Variants in ABCA10 observed in about 807,000 individuals in gnomAD.
The protein encoded by ABCA10 is ATP binding cassette subfamily A member 10.
Under a neutral mutation model 187.5 loss-of-function variants are expected in ABCA10, and 169 were observed. That is an observed-to-expected ratio of 0.90 (90% CI 0.80 to 1.02). The LOEUF (loss-of-function observed/expected upper bound fraction) is 1.02. Ranked by LOEUF, ABCA10 falls within the 50% of genes least tolerant of loss-of-function variation. ABCA10 has a pLI of 0.00. For missense variants in ABCA10, 1,727 were observed against 1,812.4 expected (o/e 0.95, Z 0.86); for synonymous variants, 574 against 601.8 (o/e 0.95, Z 0.68).
intron 37 of ABCA10, among the ~76,000 whole-genome samples, chr17:69,149,759 A>T (rs1201600724): frequency 6.6e-6 from 1 of 152,106 alleles, no homozygotes; most frequent in Admixed American, 6.6e-5. Flanking sequence ...AACCTGACTG[A>T]CTTGTGGCTG....
At chr17:69,165,284 C>A (rs781091614) in intron 25 of ABCA10, among the ~76,000 whole-genome samples, 4 of 152,064 alleles carry the variant, frequency 2.6e-5, no homozygotes, top group Non-Finnish European at 4.4e-5. Context: ...TAAGGTCTGT[C>A]ATAAATACCT....
intron 6 of ABCA10, among the ~76,000 whole-genome samples, chr17:69,217,023 G>A (rs2074711377): frequency 6.6e-6 from 1 of 152,112 alleles, no homozygotes; most frequent in Non-Finnish European, 1.5e-5. Context: ...GAGGCAGGTG[G>A]ATTGCCTGAG....
intron 1 of ABCA10, among the ~76,000 whole-genome samples, chr17:69,242,011 G>T (rs1598136806): frequency 1.3e-5 from 2 of 152,144 alleles, no homozygotes; most frequent in East Asian, 3.8e-4. Context: ...ACTTACTAAA[G>T]AATTAGAAGA....
In ABCA10 at chr17:69,217,033, G is replaced by A. The variant is rs981538249; in HGVS notation, c.531-675C>T. On this transcript the variant is annotated intron_variant, in intron 6 of 38. Coordinates refer to ENST00000690296, the MANE Select transcript of ABCA10 (RefSeq NM_001377321.1). ...AGGTTGAGGCAGGTGGATTGCCTGA[G>A]TCAGGAGTTCGAGAACAGCCTGGCC... 1.2e-4 allele frequency among the ~76,000 whole-genome samples: 18 copies of A among 152,214 alleles called. No homozygotes were observed. In the East Asian group the frequency reaches 3.5e-3, roughly 29 times the overall value.
chr17:69,176,437 C>A (rs1295637052), intron 22 of ABCA10, among the ~76,000 whole-genome samples: 1 of 151,502 alleles, frequency 6.6e-6, no homozygotes, highest in Non-Finnish European at 1.5e-5. Context: ...AAAAGGAGTG[C>A]AGAAAAGGTA....
At chr17:69,239,019 C>T (rs924390208) in intron 1 of ABCA10, among the ~76,000 whole-genome samples, 13 of 152,204 alleles carry the variant, frequency 8.5e-5, no homozygotes, top group African/African-American at 2.9e-4. Flanking sequence ...TCAAAGATAA[C>T]ATGGCCTAAA....
chr17:69,175,216 G>A (rs988744976), intron 23 of ABCA10, among the ~76,000 whole-genome samples, 190 bp downstream of exon 23: 1 of 152,048 alleles, frequency 6.6e-6, no homozygotes, highest in Non-Finnish European at 1.5e-5. Context: ...CAATTTTATT[G>A]TGCTAAATGG....
At chr17:69,219,447 T>A in intron 6 of ABCA10, 98 bp downstream of exon 6, 2 of 811,652 alleles carry the variant, frequency 2.5e-6, no homozygotes, top group Non-Finnish European at 3.8e-6. Flanking sequence ...ATTGAATACG[T>A]GCAAGAAAAC....
At chr17:69,162,463 C>G (rs927455399) in intron 27 of ABCA10, among the ~76,000 whole-genome samples, 1 of 152,080 alleles carries the variant, frequency 6.6e-6, no homozygotes, top group Non-Finnish European at 1.5e-5. Context: ...GAAAGTTAGA[C>G]AAACATCCAG....
chr17:69,200,428 T>C (rs1447061417), intron 10 of ABCA10, among the ~76,000 whole-genome samples: 1 of 152,190 alleles, frequency 6.6e-6, no homozygotes, highest in African/African-American at 2.4e-5. Flanking sequence ...AAAATATACT[T>C]TTAAAAAGAT....
rs554783311 is a variant in ABCA10 at position 69,189,958 on chromosome 17, T to G, written c.2131+400A>C. Among the ~76,000 whole-genome samples the G allele has an allele frequency of 2.8e-5, 4 of 142,098 alleles. No individual in the cohort carries two copies. The East Asian group carries it at 7.7e-4, about 27-fold the overall frequency. The allele number at this position is 142,098 out of a possible 152,430, so 93.2% of individuals were successfully genotyped here. A position where few individuals can be genotyped will look rare whatever the true frequency, so the allele number is the denominator to read the frequency against. On this transcript the variant is annotated intron_variant, in intron 18 of 38. Transcript: ENST00000690296. Reference sequence around the variant, plus strand: ...AATAACATCTTATTTTATTACTTCTTATTAATACATTAATTAGAATTAGTT... The same window carrying G: ...AATAACATCTTATTTTATTACTTCTGATTAATACATTAATTAGAATTAGTT...
At chr17:69,182,650 A>C (rs1195551646) in intron 21 of ABCA10, 25 bp downstream of exon 21, 2 of 1,547,172 alleles carry the variant, frequency 1.3e-6, no homozygotes, top group East Asian at 2.3e-5. Context: ...AACCAAAAAA[A>C]AACAGTGCAT....
chr17:69,218,213 A>G (rs2074720973), intron 6 of ABCA10, among the ~76,000 whole-genome samples: 1 of 152,166 alleles, frequency 6.6e-6, no homozygotes, highest in Admixed American at 6.5e-5. Flanking sequence ...AAAGCTAATA[A>G]TATGGTATGC....
intron 27 of ABCA10, among the ~76,000 whole-genome samples, chr17:69,161,423 A>C (rs542885896): frequency 1.3e-5 from 2 of 152,330 alleles, no homozygotes; most frequent in South Asian, 2.1e-4. Flanking sequence ...CAATTTGAAA[A>C]GCTGAAAAAA....
intron 27 of ABCA10, 21 bp downstream of exon 27, chr17:69,164,053 T>C: frequency 2.0e-6 from 3 of 1,508,156 alleles, no homozygotes; most frequent in Non-Finnish European, 2.7e-6. Context: ...TATATATATT[T>C]AGGTAGAAAA....
intron 22 of ABCA10, among the ~76,000 whole-genome samples, chr17:69,178,750 T>C (rs190160748): frequency 4.0e-4 from 61 of 152,320 alleles, no homozygotes; most frequent in African/African-American, 1.4e-3. Context: ...TGTTTGGTTA[T>C]GCATGAGTAA....
intron 1 of ABCA10, among the ~76,000 whole-genome samples, chr17:69,236,270 C>A (rs1441098007): frequency 1.3e-5 from 2 of 152,014 alleles, no homozygotes; most frequent in African/African-American, 4.8e-5. Context: ...CTTGTAAATC[C>A]CCCCTGCCCA....
intron 29 of ABCA10, 131 bp from the exon 30 acceptor site, chr17:69,155,267 T>C: frequency 3.1e-6 from 2 of 636,896 alleles, no homozygotes; most frequent in Non-Finnish European, 5.3e-6. Flanking sequence ...TTAGCCTCTT[T>C]TTTCAAATAA....
chr17:69,166,437 A>T (rs1193690757), intron 25 of ABCA10, among the ~76,000 whole-genome samples: 3 of 152,128 alleles, frequency 2.0e-5, no homozygotes, highest in Admixed American at 6.6e-5. Flanking sequence ...CAGTGTAAGG[A>T]CCATTGTAAA....
Sources: allele counts gnomAD v4.1 joint callset (sites outside exome capture counted in the v4.1 genomes callset), GRCh38; gene constraint gnomAD v4.1.1; transcripts MANE v1.5; gene names NCBI Gene and HGNC (gene_info 2026-07-23, HGNC 2026-07-21).